The following CSRP3 variants were observed in gnomAD, a reference collection of about 807,000 sequenced individuals.
CSRP3 encodes the protein cysteine and glycine rich protein 3.
Under a neutral mutation model 24.3 loss-of-function variants are expected in CSRP3, and 24 were observed. The observed-to-expected ratio is 0.99, with a 90% CI of 0.71 to 1.39. The LOEUF (loss-of-function observed/expected upper bound fraction) is 1.39. Among genes scored for constraint, CSRP3 ranks in the 40% most tolerant of loss-of-function variants. The pLI, the probability that CSRP3 is intolerant of heterozygous loss-of-function variation, is 0.00. For synonymous variants in CSRP3, 105 were observed against 94.0 expected (o/e 1.12, Z -0.68); for missense variants, 240 against 249.0 (o/e 0.96, Z 0.24).
At chr11:19,185,090 C>T in intron 4 of CSRP3, 45 bp from the exon 5 acceptor site, 1 of 1,398,960 alleles carries the variant, frequency 7.1e-7, no homozygotes, top group Non-Finnish European at 1.0e-6. Context: ...GTAGGCAACA[C>T]ATTCTGTTTC....
chr11:19,193,341 C>A (rs573257662), intron 1 of CSRP3, among the ~76,000 whole-genome samples: 33 of 152,094 alleles, frequency 2.2e-4, no homozygotes, highest in African/African-American at 7.5e-4. Context: ...CAGGAAGGTC[C>A]CACAGAGTTC....
chr11:19,198,824 C>T (rs1423408561), intron 1 of CSRP3, among the ~76,000 whole-genome samples: 2 of 152,138 alleles, frequency 1.3e-5, no homozygotes, highest in African/African-American at 4.8e-5. Flanking sequence ...CAATGCATGT[C>T]CTCATGTAAA....
intron 2 of CSRP3, among the ~76,000 whole-genome samples, chr11:19,190,050 G>C (rs1850590313): frequency 6.6e-6 from 1 of 152,240 alleles, no homozygotes; most frequent in Non-Finnish European, 1.5e-5. Context: ...TTAGCACAAG[G>C]CCTGGGCCAG....
intron 5 of CSRP3, 90 bp downstream of exon 5, chr11:19,184,862 C>T (rs772271516): frequency 2.1e-5 from 21 of 989,622 alleles, no homozygotes; most frequent in South Asian, 5.3e-5. Flanking sequence ...CTGGAAGACA[C>T]GGGAAGACCT....
intron 2 of CSRP3, among the ~76,000 whole-genome samples, chr11:19,190,683 A>G (rs996773097): frequency 3.3e-5 from 5 of 152,214 alleles, no homozygotes; most frequent in African/African-American, 7.2e-5. Flanking sequence ...CCTGGGCACA[A>G]TGTAAGGTAG....
rs756414072 is a variant in CSRP3 at position 19,192,320 on chromosome 11, G to T, written c.112+17C>A. ...GTCCGGATGCTGAGGGGCCCCCAGGGTGTCCACCCAACTCACTGCAGTGGA... is the reference window on the plus strand; with the variant it reads ...GTCCGGATGCTGAGGGGCCCCCAGGTTGTCCACCCAACTCACTGCAGTGGA... On this transcript the variant is annotated intron_variant, in intron 2 of 5. Transcript: ENST00000265968. 1.3e-6 allele frequency: 2 copies of T among 1,597,316 alleles called. No homozygotes were observed. The highest frequency in any genetic ancestry group is 1.7e-5 in the Admixed American group (1 of 59,998).
intron 2 of CSRP3, among the ~76,000 whole-genome samples, chr11:19,192,087 C>T (rs1181023674): frequency 1.3e-5 from 2 of 152,044 alleles, no homozygotes; most frequent in Non-Finnish European, 1.5e-5. Flanking sequence ...CTTGTTCTGA[C>T]GTTGAGCTAC....
intron 1 of CSRP3, among the ~76,000 whole-genome samples, chr11:19,195,410 A>G (rs1027428408): frequency 6.6e-6 from 1 of 152,176 alleles, no homozygotes; most frequent in Non-Finnish European, 1.5e-5. Context: ...TTCTCTCATT[A>G]AAGATGTTAC....
Position 19,188,206 on chromosome 11 carries a change from TC to T in CSRP3, c.210del (p.Ile71SerfsTer137). The T allele has an allele frequency of 1.2e-6, 2 of 1,613,776 alleles. No homozygotes were observed. Among genetic ancestry groups the T allele is most frequent in the Non-Finnish European group, 1.7e-6 (2 of 1,180,010 alleles). On this transcript the variant is annotated frameshift_variant, in exon 3 of 6. Transcript: ENST00000265968. LOFTEE classifies it high-confidence loss of function. ...VCYGRRYGPKGIGYGQGAGCL... is the reference protein window; with the variant it reads ...VCYGRRYGPKXIGYGQGAGCL... ...CAGCCAGCGCCTTGTCCATACCCGATCCCTTTGGGGCCATATCTGCGCCCAT... is the reference window on the plus strand; with the variant it reads ...CAGCCAGCGCCTTGTCCATACCCGATCCTTTGGGGCCATATCTGCGCCCAT...
intron 1 of CSRP3, among the ~76,000 whole-genome samples, chr11:19,199,067 A>C (rs1344625786): frequency 6.6e-6 from 1 of 152,132 alleles, no homozygotes; most frequent in African/African-American, 2.4e-5. Flanking sequence ...TCAGACTGTG[A>C]ATCAGCTTTG....
Position 19,182,582 on chromosome 11 carries a change from A to G in CSRP3, c.*88T>C. 1 of 1,053,592 alleles carries G rather than the reference A, an allele frequency of 9.5e-7. No individual in the cohort carries two copies. Among genetic ancestry groups the G allele is most frequent in the Non-Finnish European group, 1.5e-6 (1 of 668,296 alleles). 65.3% of individuals were successfully genotyped at this position (1,053,592 alleles called of 1,614,324 possible). A position where few individuals can be genotyped will look rare whatever the true frequency, so the allele number is the denominator to read the frequency against. On this transcript the variant is annotated 3_prime_UTR_variant, in exon 6 of 6. Transcript: ENST00000265968. ...CACATAATGTACGACTACAAAGGAGAGGCTATTTGGGGAAAGGTATCGATC... is the reference window on the plus strand; with the variant it reads ...CACATAATGTACGACTACAAAGGAGGGGCTATTTGGGGAAAGGTATCGATC...
chr11:19,184,010 G>A (rs1314788543), intron 5 of CSRP3, among the ~76,000 whole-genome samples: 1 of 152,204 alleles, frequency 6.6e-6, no homozygotes, highest in African/African-American at 2.4e-5. Flanking sequence ...CTTCTGCCAT[G>A]ATTGCGAGGC....
chr11:19,200,047 C>T (rs1181980691), intron 1 of CSRP3, among the ~76,000 whole-genome samples: 2 of 152,174 alleles, frequency 1.3e-5, no homozygotes, highest in African/African-American at 4.8e-5. Context: ...GCTTCTTACC[C>T]ACTCTGACCT....
At chr11:19,185,135 G>A in intron 4 of CSRP3, 90 bp from the exon 5 acceptor site, 1 of 958,240 alleles carries the variant, frequency 1.0e-6, no homozygotes, top group Non-Finnish European at 1.7e-6. Flanking sequence ...ATCCAGAGGA[G>A]TGACACGTCT....
chr11:19,194,258 A>T (rs1294614089), intron 1 of CSRP3, among the ~76,000 whole-genome samples: 2 of 152,218 alleles, frequency 1.3e-5, no homozygotes, highest in Non-Finnish European at 2.9e-5. Context: ...TTCTATCTAA[A>T]TATTCCCCCA....
At chr11:19,191,403 T>A (rs1269808559) in intron 2 of CSRP3, among the ~76,000 whole-genome samples, 2 of 152,030 alleles carry the variant, frequency 1.3e-5, no homozygotes, top group East Asian at 3.9e-4. Flanking sequence ...TGGGGACTAG[T>A]CGGGGAGGGG....
At chr11:19,198,781 G>A (rs1425944399) in intron 1 of CSRP3, among the ~76,000 whole-genome samples, 3 of 152,194 alleles carry the variant, frequency 2.0e-5, no homozygotes, top group Non-Finnish European at 4.4e-5. Flanking sequence ...TGAACACTGG[G>A]CAAGTTGCTC....
chr11:19,200,944 T>C (rs974252888), intron 1 of CSRP3, among the ~76,000 whole-genome samples: 3 of 152,112 alleles, frequency 2.0e-5, no homozygotes, highest in Non-Finnish European at 4.4e-5. Context: ...TTAAATTACA[T>C]TGAATCGTAT....
chr11:19,200,559 A>G (rs1311977429), intron 1 of CSRP3, among the ~76,000 whole-genome samples: 1 of 151,466 alleles, frequency 6.6e-6, no homozygotes, highest in African/African-American at 2.4e-5. Flanking sequence ...TTTCTGATGG[A>G]TGACACGTGT....
Sources: gnomAD v4.1 joint callset for allele counts (sites outside exome capture counted in the v4.1 genomes callset) on GRCh38, gnomAD v4.1.1 for gene constraint, MANE v1.5 for transcripts, NCBI Gene and HGNC (gene_info 2026-07-23, HGNC 2026-07-21) for gene names.